FANCL: variants seen among roughly 807,000 people sequenced by gnomAD.
FANCL encodes E3 ubiquitin-protein ligase FANCL.
In FANCL, 69 loss-of-function variants were observed where a neutral mutation model predicts 59.4. That is an observed-to-expected ratio of 1.16 (90% CI 0.96 to 1.42). The LOEUF (loss-of-function observed/expected upper bound fraction) is 1.42. Ranked by LOEUF, FANCL falls within the 40% of genes most tolerant of loss-of-function variation. The pLI, the probability that FANCL is intolerant of heterozygous loss-of-function variation, is 0.00. For missense variants in FANCL, 519 were observed against 447.2 expected (o/e 1.16, Z -1.45); for synonymous variants, 180 against 147.1 (o/e 1.22, Z -1.62).
At chr2:58,171,974 C>T (rs72948825) in intron 7 of FANCL, among the ~76,000 whole-genome samples, 3,001 of 152,316 alleles carry the variant, frequency 0.02, 113 homozygotes, top group African/African-American at 0.069. Flanking sequence ...GAGAGTCCTA[C>T]GCCCACGGAG....
chr2:58,192,552 C>T (rs1202460157), intron 7 of FANCL, among the ~76,000 whole-genome samples: 4 of 151,880 alleles, frequency 2.6e-5, no homozygotes, highest in Non-Finnish European at 4.4e-5. Flanking sequence ...AACCACATTA[C>T]TTATATCTAC....
chr2:58,185,563 T>G (rs1364417006), intron 7 of FANCL, among the ~76,000 whole-genome samples: 2 of 152,198 alleles, frequency 1.3e-5, no homozygotes, highest in South Asian at 4.1e-4. Context: ...CTTATAACAC[T>G]GAAGCACCAT....
At chr2:58,226,479 C>T (rs1339037406) in intron 4 of FANCL, among the ~76,000 whole-genome samples, 1 of 152,032 alleles carries the variant, frequency 6.6e-6, no homozygotes, top group Non-Finnish European at 1.5e-5. Flanking sequence ...ATTTCTTCAC[C>T]ACCTGCCCAA....
chr2:58,175,828 A>G (rs1297820761), intron 7 of FANCL, among the ~76,000 whole-genome samples: 2 of 151,740 alleles, frequency 1.3e-5, no homozygotes, highest in African/African-American at 4.8e-5. Flanking sequence ...AATTAGGAAA[A>G]GAGGAAGTCA....
At chr2:58,212,594 G>A (rs943186129) in intron 5 of FANCL, among the ~76,000 whole-genome samples, 35 of 152,086 alleles carry the variant, frequency 2.3e-4, no homozygotes, top group African/African-American at 8.0e-4. Context: ...TCAACTCTAG[G>A]ATACTCTTAA....
At chr2:58,184,663 C>T (rs991007270) in intron 7 of FANCL, among the ~76,000 whole-genome samples, 2 of 152,120 alleles carry the variant, frequency 1.3e-5, no homozygotes, top group East Asian at 1.9e-4. Context: ...CTTAAACATA[C>T]ATACATAAGG....
intron 7 of FANCL, among the ~76,000 whole-genome samples, chr2:58,187,967 T>G (rs1275328180): frequency 2.0e-5 from 3 of 152,204 alleles, no homozygotes; most frequent in African/African-American, 7.2e-5. Context: ...TTTTGGACCT[T>G]GCATTTGGTG....
In FANCL at chr2:58,218,440, G is replaced by T. The variant is rs558048995; in HGVS notation, c.374+3502C>A. Among the ~76,000 whole-genome samples the T allele has an allele frequency of 7.9e-5, 12 of 151,818 alleles. No individual in the cohort carries two copies. In the East Asian group the frequency reaches 2.1e-3, roughly 27 times the overall value. On this transcript the variant is annotated intron_variant, in intron 5 of 13. Transcript: ENST00000233741. ...TTAAAAAGGCACAAAAAACTCATGT[G>T]GAAAGAAAAAGGCAGCATCACTATA...
At chr2:58,188,184 T>C (rs1688594175) in intron 7 of FANCL, among the ~76,000 whole-genome samples, 1 of 152,184 alleles carries the variant, frequency 6.6e-6, no homozygotes, top group Non-Finnish European at 1.5e-5. Flanking sequence ...CACTAAACTA[T>C]CTTTGTACCT....
intron 7 of FANCL, among the ~76,000 whole-genome samples, chr2:58,177,741 C>T (rs899626215): frequency 1.3e-5 from 2 of 150,250 alleles, no homozygotes; most frequent in Admixed American, 6.6e-5. Context: ...TGTAAGTAAC[C>T]TGCACATTGT....
chr2:58,201,904 T>C (rs974934526), intron 6 of FANCL, among the ~76,000 whole-genome samples: 1 of 151,616 alleles, frequency 6.6e-6, no homozygotes, highest in Admixed American at 6.6e-5. Flanking sequence ...ATTTAAAAAA[T>C]CAAGTAACAG....
At chr2:58,160,301 T>A (rs1684941232) in intron 12 of FANCL, 122 bp from the exon 13 acceptor site, 18 of 1,041,740 alleles carry the variant, frequency 1.7e-5, no homozygotes, top group Admixed American at 5.6e-5. Flanking sequence ...TAGCTTAATT[T>A]TGTTTTGCAA....
At chr2:58,210,920 G>T (rs147566894) in intron 5 of FANCL, among the ~76,000 whole-genome samples, 1 of 152,166 alleles carries the variant, frequency 6.6e-6, no homozygotes, top group Non-Finnish European at 1.5e-5. Flanking sequence ...TGCAGGGTAT[G>T]GCACCCCCAC....
At chr2:58,162,652 C>T (rs1018611106) in intron 11 of FANCL, among the ~76,000 whole-genome samples, 12 of 151,818 alleles carry the variant, frequency 7.9e-5, no homozygotes, top group African/African-American at 2.9e-4. Context: ...ATTTTTGTAT[C>T]CATGGGCAGC....
Position 58,159,474 on chromosome 2 carries a change from T to C in FANCL, c.*291A>G. 1 of 1,613,756 alleles carries C rather than the reference T, an allele frequency of 6.2e-7. No homozygotes were observed. The highest frequency in any genetic ancestry group is 8.5e-7 in the Non-Finnish European group (1 of 1,179,780). On this transcript the variant is annotated 3_prime_UTR_variant, in exon 14 of 14. Coordinates refer to ENST00000233741, the MANE Select transcript of FANCL (RefSeq NM_018062.4). Reference sequence around the variant, plus strand: ...CATTTTATGAGCCTCATCAAGATTTTACCAGTCCAGATATATTCAAGAAGT... The same window carrying C: ...CATTTTATGAGCCTCATCAAGATTTCACCAGTCCAGATATATTCAAGAAGT...
At chr2:58,186,650 G>A (rs921544263) in intron 7 of FANCL, among the ~76,000 whole-genome samples, 3 of 152,142 alleles carry the variant, frequency 2.0e-5, no homozygotes. Context: ...TGCCCTAAAG[G>A]GGATTCAGTC....
chr2:58,221,845 T>C (rs1692509767), intron 5 of FANCL, 97 bp downstream of exon 5: 2 of 818,346 alleles, frequency 2.4e-6, no homozygotes, highest in Non-Finnish European at 4.1e-6. Flanking sequence ...ATTAAACACT[T>C]TGACTAAAAT....
chr2:58,168,714 G>T (rs951654124), intron 7 of FANCL, among the ~76,000 whole-genome samples: 1 of 152,134 alleles, frequency 6.6e-6, no homozygotes, highest in African/African-American at 2.4e-5. Flanking sequence ...AATTCTTGCT[G>T]CCAGCACAGC....
At chr2:58,181,083 A>T (rs1687896877) in intron 7 of FANCL, among the ~76,000 whole-genome samples, 1 of 152,078 alleles carries the variant, frequency 6.6e-6, no homozygotes, top group Admixed American at 6.6e-5. Flanking sequence ...ATATATCCAT[A>T]AAAATACCGT....
Sources: gnomAD v4.1 joint callset for allele counts (sites outside exome capture counted in the v4.1 genomes callset) on GRCh38, gnomAD v4.1.1 for gene constraint, MANE v1.5 for transcripts, NCBI Gene and HGNC (gene_info 2026-07-23, HGNC 2026-07-21) for gene names.